The following SGCZ variants were observed in gnomAD, a reference collection of about 807,000 sequenced individuals.
SGCZ encodes the protein sarcoglycan zeta.
In SGCZ, 40 loss-of-function variants were observed where a neutral mutation model predicts 41.3. The observed-to-expected ratio is 0.97, with a 90% CI of 0.75 to 1.26. The LOEUF is 1.26. Ranked by LOEUF, SGCZ falls within the 50% of genes most tolerant of loss-of-function variation. The pLI, the probability that SGCZ is intolerant of heterozygous loss-of-function variation, is 0.00. For synonymous variants in SGCZ, 206 were observed against 137.5 expected, an observed-to-expected ratio of 1.50 and a Z score of -3.49; for missense variants, 552 against 369.8, an observed-to-expected ratio of 1.49 and a Z score of -4.04.
intron 1 of SGCZ, among the ~76,000 whole-genome samples, chr8:14,632,786 G>C (rs376041037): frequency 1.3e-5 from 2 of 151,934 alleles, no homozygotes; most frequent in Admixed American, 6.6e-5. Flanking sequence ...AAGTAAACGG[G>C]TCATCCTATA....
chr8:14,610,650 C>A (rs1439574681), intron 1 of SGCZ, among the ~76,000 whole-genome samples: 2 of 152,116 alleles, frequency 1.3e-5, no homozygotes, highest in East Asian at 3.9e-4. Flanking sequence ...GCTTCCCCTA[C>A]AGGGTGCATA....
At chr8:14,974,488 T>C (rs1801401083) in intron 1 of SGCZ, among the ~76,000 whole-genome samples, 2 of 152,172 alleles carry the variant, frequency 1.3e-5, no homozygotes, top group Non-Finnish European at 2.9e-5. Context: ...TCCTAGGTGC[T>C]AGCTTAGTGA....
intron 1 of SGCZ, among the ~76,000 whole-genome samples, chr8:14,604,789 A>G (rs17310163): frequency 0.16 from 23,982 of 152,146 alleles, 2,326 homozygotes; most frequent in Non-Finnish European, 0.21. Flanking sequence ...TCAAAGAAGA[A>G]ATAGTCCATG....
At chr8:14,814,227 G>A (rs563134404) in intron 1 of SGCZ, among the ~76,000 whole-genome samples, 1 of 152,044 alleles carries the variant, frequency 6.6e-6, no homozygotes, top group Non-Finnish European at 1.5e-5. Flanking sequence ...AGCCATATTT[G>A]CGTTATTTTA....
chr8:15,224,421 T>A (rs1801703762), intron 1 of SGCZ, among the ~76,000 whole-genome samples: 1 of 152,120 alleles, frequency 6.6e-6, no homozygotes, highest in South Asian at 2.1e-4. Flanking sequence ...TCTAAAATTG[T>A]ATACCCAGAA....
chr8:14,933,391 A>G (rs1359448194), intron 1 of SGCZ, among the ~76,000 whole-genome samples: 1 of 151,372 alleles, frequency 6.6e-6, no homozygotes, highest in Non-Finnish European at 1.5e-5. Context: ...AGAGTATTTC[A>G]GCACCATTGA....
intron 2 of SGCZ, among the ~76,000 whole-genome samples, chr8:14,482,880 A>G (rs529703564): frequency 6.6e-6 from 1 of 152,148 alleles, no homozygotes; most frequent in African/African-American, 2.4e-5. Context: ...GCTGGAATTA[A>G]CACCACTGGC....
chr8:14,945,420 A>G (rs910251642), intron 1 of SGCZ, among the ~76,000 whole-genome samples: 8 of 152,012 alleles, frequency 5.3e-5, no homozygotes, highest in African/African-American at 1.9e-4. Context: ...GTATTACTCT[A>G]AGGCCTCTGT....
At chr8:15,104,254 C>T (rs1279393818) in intron 1 of SGCZ, among the ~76,000 whole-genome samples, 1 of 152,128 alleles carries the variant, frequency 6.6e-6, no homozygotes, top group Non-Finnish European at 1.5e-5. Context: ...AGCTACCCAG[C>T]AGCTAATCAA....
intron 2 of SGCZ, among the ~76,000 whole-genome samples, chr8:14,413,387 G>A (rs961921634): frequency 6.6e-6 from 1 of 151,836 alleles, no homozygotes; most frequent in African/African-American, 2.4e-5. Context: ...TGCCCAATAA[G>A]TTCAATTTTT....
At chr8:14,256,995 A>G (rs1370264292) in intron 3 of SGCZ, among the ~76,000 whole-genome samples, 2 of 152,146 alleles carry the variant, frequency 1.3e-5, no homozygotes, top group African/African-American at 4.8e-5. Flanking sequence ...AATTAAAAAT[A>G]ATCCTCATTA....
rs756219168 is a variant in SGCZ, at chr8:15,238,217, T to A, written c.-594A>T. 2 of 152,286 alleles carry A rather than the reference T, an allele frequency of 1.3e-5. No homozygotes were observed. Among genetic ancestry groups the A allele is most frequent in the Non-Finnish European group, 2.9e-5 (2 of 68,140 alleles). The allele number at this position is 152,286 out of a possible 1,614,324, so 9.4% of individuals were successfully genotyped here. ...AATGTCTTGTAGCTGAGAGGTATTT[T>A]CTCAGTGGGGAAAAGAAGATAATCA... On this transcript the variant is annotated 5_prime_UTR_variant, in exon 1 of 8. Transcript: ENST00000382080.
chr8:14,277,639 A>G (rs1800281163), intron 3 of SGCZ, among the ~76,000 whole-genome samples: 1 of 152,154 alleles, frequency 6.6e-6, no homozygotes, highest in East Asian at 1.9e-4. Flanking sequence ...TGGGATACAG[A>G]GAATGATACC....
Position 14,216,722 on chromosome 8 carries a change from T to C in SGCZ, c.424+20870A>G, listed in dbSNP as rs73528764. Among the ~76,000 whole-genome samples, 1,262 of 144,682 alleles carry C rather than the reference T, an allele frequency of 8.7e-3. 14 individuals carry two copies. The highest frequency in any genetic ancestry group is 0.03 in the African/African-American group (1,211 of 40,838). The allele number at this position is 144,682 out of a possible 152,430, so 94.9% of individuals were successfully genotyped here. A position where few individuals can be genotyped will look rare whatever the true frequency, so the allele number is the denominator to read the frequency against. The stretch of plus-strand genomic sequence containing the variant: ...ATAAAAACTCTCAGCAAACTAGAAA[T>C]AGAAGAAATCTTAAAAAAAACAAAA... On this transcript the variant is annotated intron_variant, in intron 4 of 7. Transcript: ENST00000382080.
chr8:14,321,734 T>C (rs1263263470), intron 3 of SGCZ, among the ~76,000 whole-genome samples: 1 of 152,106 alleles, frequency 6.6e-6, no homozygotes. Context: ...TTCTAATAGA[T>C]TTCCTTACCT....
intron 3 of SGCZ, among the ~76,000 whole-genome samples, chr8:14,305,178 T>A (rs894322321): frequency 5.9e-5 from 9 of 152,168 alleles, no homozygotes; most frequent in Non-Finnish European, 1.2e-4. Context: ...TAAGTCTTTA[T>A]AGGGCAATCA....
chr8:14,174,853 C>G (rs774686742), intron 4 of SGCZ, among the ~76,000 whole-genome samples: 36 of 152,068 alleles, frequency 2.4e-4, no homozygotes, highest in Non-Finnish European at 3.8e-4. Context: ...CTTAAAGGCT[C>G]TGAGAAAAGG....
chr8:15,197,082 A>T (rs999951132), intron 1 of SGCZ, among the ~76,000 whole-genome samples: 1 of 152,214 alleles, frequency 6.6e-6, no homozygotes, highest in Non-Finnish European at 1.5e-5. Flanking sequence ...TTAGTCAAAG[A>T]CACAAACCCA....
intron 1 of SGCZ, among the ~76,000 whole-genome samples, chr8:14,641,878 A>G (rs1465011458): frequency 1.3e-5 from 2 of 151,812 alleles, no homozygotes; most frequent in Non-Finnish European, 3.0e-5. Context: ...TTGCAGTGGT[A>G]GGTAATGAAA....
Sources: gnomAD v4.1 joint callset for allele counts (sites outside exome capture counted in the v4.1 genomes callset) on GRCh38, gnomAD v4.1.1 for gene constraint, MANE v1.5 for transcripts, NCBI Gene and HGNC (gene_info 2026-07-23, HGNC 2026-07-21) for gene names.